SEPTIN9: variants seen among roughly 807,000 people sequenced by gnomAD.
The protein encoded by SEPTIN9 is septin-9.
Under a neutral mutation model 56.6 loss-of-function variants are expected in SEPTIN9, and 13 were observed. The observed-to-expected ratio is 0.23, with a 90% CI of 0.15 to 0.37. The LOEUF (loss-of-function observed/expected upper bound fraction) is 0.37, where lower values mean the gene tolerates loss of function less well. SEPTIN9 is among the 10% of genes least tolerant of loss of function. The probability of loss-of-function intolerance (pLI) is 1.00; values close to 1 mark genes in which losing one functional copy is unlikely to be tolerated. For missense variants in SEPTIN9, 650 were observed against 823.1 expected (o/e 0.79, Z 2.57); for synonymous variants, 332 against 334.1 (o/e 0.99, Z 0.07).
In SEPTIN9 at chr17:77,476,691, G is replaced by A. The variant is rs2039227709; in HGVS notation, c.722-5453G>A. Among the ~76,000 whole-genome samples, 1 of 152,224 alleles carries A rather than the reference G, an allele frequency of 6.6e-6. No individual in the cohort carries two copies. The highest frequency in any genetic ancestry group is 6.5e-5 in the Admixed American group (1 of 15,290). On this transcript the variant is annotated intron_variant, in intron 3 of 11. Transcript: ENST00000427177. This position sits in a 1 kb window ranked among gnomAD's most constrained non-coding sequence, Gnocchi z 6.0. ...AGAGGGGCCCTGGCATAAGGCCTGG[G>A]TTCAGAATGGGAACCTGCAGAGAAA...
At chr17:77,397,779 A>G (rs972476674) in intron 2 of SEPTIN9, among the ~76,000 whole-genome samples, 6 of 152,044 alleles carry the variant, frequency 3.9e-5, no homozygotes, top group Non-Finnish European at 8.8e-5. Context: ...CCTTCCAAGT[A>G]GCTGGGATTA....
In SEPTIN9 at chr17:77,311,228, C is replaced by A. The variant is rs533726526; in HGVS notation, c.76+4031C>A. ...GGAAGAGGCAAGGAAGGACCCCCCCCCCACCCCACCCCAGAGCCTCCCTAG... is the reference window on the plus strand; with the variant it reads ...GGAAGAGGCAAGGAAGGACCCCCCCACCACCCCACCCCAGAGCCTCCCTAG... On this transcript the variant is annotated intron_variant, in intron 2 of 11. Coordinates refer to ENST00000427177, the MANE Select transcript of SEPTIN9 (RefSeq NM_001113491.2). Among the ~76,000 whole-genome samples, 613 of 148,984 alleles carry A rather than the reference C, an allele frequency of 4.1e-3. 7 individuals carry two copies. Among genetic ancestry groups the A allele is most frequent in the Admixed American group, 6.6e-3 (99 of 15,048 alleles).
intron 2 of SEPTIN9, among the ~76,000 whole-genome samples, chr17:77,377,562 G>A (rs1346429177): frequency 6.6e-6 from 1 of 151,998 alleles, no homozygotes; most frequent in Non-Finnish European, 1.5e-5. Flanking sequence ...TGGCATCTGA[G>A]CTTCTCCCGA....
chr17:77,375,507 C>A (rs2034888830), intron 2 of SEPTIN9: 1 of 152,308 alleles, frequency 6.6e-6, no homozygotes, highest in Admixed American at 6.5e-5. Flanking sequence ...TTCCTTGGGT[C>A]TCTGGGTGTA....
chr17:77,373,310 A>T (rs900304418), intron 2 of SEPTIN9: 151 of 1,119,274 alleles, frequency 1.3e-4, no homozygotes, highest in African/African-American at 1.5e-4. Context: ...GCGCGCGGGG[A>T]GGGGCCGGCG....
At position 77,326,499 on chromosome 17, in the gene SEPTIN9, G is replaced by A. The variant is rs1237983202; in HGVS notation, c.76+19302G>A. Among the ~76,000 whole-genome samples the A allele has an allele frequency of 6.6e-6, 1 of 152,216 alleles. No homozygotes were observed. Among genetic ancestry groups the A allele is most frequent in the African/African-American group, 2.4e-5 (1 of 41,446 alleles). On this transcript the variant is annotated intron_variant, in intron 2 of 11. Coordinates refer to ENST00000427177, the MANE Select transcript of SEPTIN9 (RefSeq NM_001113491.2). The surrounding 1 kb of genome is among the most constrained non-coding windows in gnomAD (Gnocchi z 5.1). ...AGGCTCAAACCCAGCAGGCAGAGGC[G>A]ATCGCTGCAGGCAACCGGCAATGTG...
Position 77,451,466 on chromosome 17 carries a change from T to C in SEPTIN9, c.722-30678T>C. 1 of 985,962 alleles carries C rather than the reference T, an allele frequency of 1.0e-6. No individual in the cohort carries two copies. The highest frequency in any genetic ancestry group is 1.2e-6 in the Non-Finnish European group (1 of 830,352). 61.1% of individuals were successfully genotyped at this position (985,962 alleles called of 1,614,324 possible). A position where few individuals can be genotyped will look rare whatever the true frequency, so the allele number is the denominator to read the frequency against. On this transcript the variant is annotated intron_variant, in intron 3 of 11. Coordinates refer to ENST00000427177, the MANE Select transcript of SEPTIN9 (RefSeq NM_001113491.2). The surrounding 1 kb of genome is among the most constrained non-coding windows in gnomAD (Gnocchi z 4.2). ...ATCCTCTGCTCGGCTCTGAGCCATG[T>C]GACCCGGTGGGCGGGCCGCGGCTCT...
intron 1 of SEPTIN9, 55 bp from the exon 2 acceptor site, chr17:77,307,086 G>C (rs369963887): frequency 6.6e-7 from 1 of 1,523,766 alleles, no homozygotes; most frequent in Non-Finnish European, 9.1e-7. Context: ...TCATCCACCC[G>C]GAGGGAGAGC....
chr17:77,397,988 T>C (rs1451419401), intron 2 of SEPTIN9, among the ~76,000 whole-genome samples: 1 of 147,900 alleles, frequency 6.8e-6, no homozygotes, highest in Non-Finnish European at 1.5e-5. Context: ...TGTTTTTTTT[T>C]TTTGAGACAG....
chr17:77,473,727 A>G (rs2039098567), intron 3 of SEPTIN9, among the ~76,000 whole-genome samples: 1 of 152,192 alleles, frequency 6.6e-6, no homozygotes, highest in African/African-American at 2.4e-5. Flanking sequence ...CGGCTAATAA[A>G]CATTTAAATA....
chr17:77,336,363 G>A (rs1398756557), intron 2 of SEPTIN9, among the ~76,000 whole-genome samples: 1 of 151,920 alleles, frequency 6.6e-6, no homozygotes, highest in African/African-American at 2.4e-5. Context: ...TTGTATAGAT[G>A]GTATATCTCC....
intron 3 of SEPTIN9, among the ~76,000 whole-genome samples, chr17:77,409,956 TCAC>T (rs1453624709): frequency 6.6e-6 from 1 of 152,196 alleles, no homozygotes; most frequent in African/African-American, 2.4e-5. Context: ...ACACACTGTC[TCAC>T]CTGTGACCTC....
chr17:77,494,357 T>TAGAATGGA lies in SEPTIN9; in HGVS notation c.1573+1285_1573+1292dup, dbSNP rs563409037. Among the ~76,000 whole-genome samples the TAGAATGGA allele has an allele frequency of 3.8e-4, 58 of 152,186 alleles. No individual in the cohort carries two copies. In the South Asian group the frequency reaches 9.1e-3, roughly 24 times the overall value. ...CTCTCTCTGTCCCTTCATTTCTCATTAGAATGGAAGAGGGGAAGGTGCAGA... is the reference window on the plus strand; with the variant it reads ...CTCTCTCTGTCCCTTCATTTCTCATTAGAATGGAAGAATGGAAGAGGGGAAGGTGCAGA... On this transcript the variant is annotated intron_variant, in intron 10 of 11. Coordinates refer to ENST00000427177, the MANE Select transcript of SEPTIN9 (RefSeq NM_001113491.2).
Position 77,389,662 on chromosome 17 carries a change from G to A in SEPTIN9, c.77-12397G>A, listed in dbSNP as rs1275175224. Among the ~76,000 whole-genome samples the A allele has an allele frequency of 6.6e-6, 1 of 151,764 alleles. No individual in the cohort carries two copies. The highest frequency in any genetic ancestry group is 1.5e-5 in the Non-Finnish European group (1 of 67,940). ...CACCTAGACCCTCCCACACAGATCCGTCCCACCCTTCTGCTGCCTTCCACC... is the reference window on the plus strand; with the variant it reads ...CACCTAGACCCTCCCACACAGATCCATCCCACCCTTCTGCTGCCTTCCACC... On this transcript the variant is annotated intron_variant, in intron 2 of 11. Coordinates refer to ENST00000427177, the MANE Select transcript of SEPTIN9 (RefSeq NM_001113491.2). This position sits in a 1 kb window ranked among gnomAD's most constrained non-coding sequence, Gnocchi z 4.3.
chr17:77,485,042 A>G (rs1412114230), intron 4 of SEPTIN9, among the ~76,000 whole-genome samples: 3 of 36,966 alleles, frequency 8.1e-5, no homozygotes, highest in Non-Finnish European at 1.2e-4. Context: ...GAAGGGGGTG[A>G]TGGTGGTGAT....
chr17:77,331,969 T>G (rs1567998126), intron 2 of SEPTIN9, among the ~76,000 whole-genome samples: 1 of 152,196 alleles, frequency 6.6e-6, no homozygotes, highest in Admixed American at 6.5e-5. Flanking sequence ...CGTAAAACTT[T>G]TCAAACATAG....
At position 77,449,866 on chromosome 17, in the gene SEPTIN9, C is replaced by T. The variant is rs922100473; in HGVS notation, c.722-32278C>T. 3.9e-5 allele frequency among the ~76,000 whole-genome samples: 6 copies of T among 152,246 alleles called. No homozygotes were observed. The East Asian group carries it at 5.8e-4, about 15-fold the overall frequency. ...CGTGTGTGTCTTGCTGTAATTTTGG[C>T]GACTGGTGTTGGTGGTGCCCATTTT... On this transcript the variant is annotated intron_variant, in intron 3 of 11. Transcript: ENST00000427177. This position sits in a 1 kb window ranked among gnomAD's most constrained non-coding sequence, Gnocchi z 4.6.
chr17:77,498,674 C>T lies in SEPTIN9; in HGVS notation c.*16C>T. ...GGAGATGTAGACGCCACCCTGCCCA[C>T]CCCCGGGATCCTGCCCCCAAGTCAT... On this transcript the variant is annotated 3_prime_UTR_variant, in exon 12 of 12. Coordinates refer to ENST00000427177, the MANE Select transcript of SEPTIN9 (RefSeq NM_001113491.2). The T allele has an allele frequency of 2.6e-6, 4 of 1,519,992 alleles. No homozygotes were observed. Among genetic ancestry groups the T allele is most frequent in the Non-Finnish European group, 3.5e-6 (4 of 1,128,964 alleles). 94.2% of individuals were successfully genotyped at this position (1,519,992 alleles called of 1,614,324 possible). A position where few individuals can be genotyped will look rare whatever the true frequency, so the allele number is the denominator to read the frequency against.
intron 3 of SEPTIN9, among the ~76,000 whole-genome samples, chr17:77,471,266 C>T (rs1329193619): frequency 6.6e-6 from 1 of 152,234 alleles, no homozygotes; most frequent in African/African-American, 2.4e-5. Context: ...GTGCCCCTCC[C>T]TGCCTGTCCC....
Sources: gnomAD v4.1 joint callset for allele counts (sites outside exome capture counted in the v4.1 genomes callset) on GRCh38, gnomAD v4.1.1 for gene constraint, Gnocchi (gnomAD v3.1) non-coding constraint, MANE v1.5 for transcripts, NCBI Gene and HGNC (gene_info 2026-07-23, HGNC 2026-07-21) for gene names.